Variants in CNTN4 observed in about 807,000 individuals in gnomAD.
CNTN4 encodes contactin-4.
A neutral mutation model predicts 122.5 loss-of-function variants in CNTN4; 77 were observed. The observed-to-expected ratio is 0.63, with a 90% CI of 0.52 to 0.76. The LOEUF is 0.76. CNTN4 is among the 30% of genes least tolerant of loss of function. The pLI is 0.00. For synonymous variants in CNTN4, 512 were observed against 447.0 expected (o/e 1.15, Z -1.83); for missense variants, 1,256 against 1,259.1 (o/e 1.00, Z 0.04).
chr3:2,961,621 C>T (rs955042974), intron 13 of CNTN4, among the ~76,000 whole-genome samples: 40 of 152,274 alleles, frequency 2.6e-4, no homozygotes, highest in African/African-American at 9.6e-4. Flanking sequence ...ACAACATACC[C>T]ACCTCTGAAC....
chr3:2,741,639 A>C (rs546193496), intron 5 of CNTN4, among the ~76,000 whole-genome samples: 1 of 152,352 alleles, frequency 6.6e-6, no homozygotes, highest in Admixed American at 6.5e-5. Flanking sequence ...TGTGTAGTAA[A>C]GAATGCAGGA....
chr3:2,553,353 G>A (rs111777296), intron 3 of CNTN4, among the ~76,000 whole-genome samples: 3 of 152,168 alleles, frequency 2.0e-5, no homozygotes, highest in African/African-American at 4.8e-5. Context: ...TGATGTGCTT[G>A]TTTTTATCCT....
chr3:2,394,316 G>A (rs2150911745), intron 3 of CNTN4, among the ~76,000 whole-genome samples: 1 of 152,158 alleles, frequency 6.6e-6, no homozygotes, highest in South Asian at 2.1e-4. Flanking sequence ...GACCTAACTG[G>A]GTGAGAAGAT....
At chr3:2,894,452 C>G (rs1443749536) in intron 10 of CNTN4, among the ~76,000 whole-genome samples, 1 of 152,216 alleles carries the variant, frequency 6.6e-6, no homozygotes, top group African/African-American at 2.4e-5. Flanking sequence ...GAGCTACTTT[C>G]TGAATCTGGA....
chr3:2,715,565 C>T (rs1387586822), intron 4 of CNTN4, among the ~76,000 whole-genome samples: 1 of 152,192 alleles, frequency 6.6e-6, no homozygotes, highest in African/African-American at 2.4e-5. Flanking sequence ...TTTCAAGTCC[C>T]TGTCTTAGTC....
chr3:2,988,197 A>G (rs1694752292), intron 13 of CNTN4, 148 bp from the exon 14 acceptor site: 1 of 732,610 alleles, frequency 1.4e-6, no homozygotes, highest in Admixed American at 2.1e-5. Flanking sequence ...GTGGACAAAT[A>G]CCCTAAATAA....
At chr3:2,355,731 A>G (rs536918282) in intron 3 of CNTN4, among the ~76,000 whole-genome samples, 1 of 152,208 alleles carries the variant, frequency 6.6e-6, no homozygotes, top group Non-Finnish European at 1.5e-5. Context: ...GGGTCTCTGT[A>G]TCCTAACCAG....
In CNTN4 at chr3:2,416,714, T is replaced by C. The variant is rs535103546; in HGVS notation, c.-89+77481T>C. On this transcript the variant is annotated intron_variant, in intron 3 of 24. Coordinates refer to ENST00000418658, the MANE Select transcript of CNTN4 (RefSeq NM_175607.3). ...TGTCGCCCAGGCTGGAGTGCAGTGG[T>C]GTGATCTCAGCTCACTGCAAGCTCT... is the stretch of plus-strand genomic sequence containing the variant. Among the ~76,000 whole-genome samples the C allele has an allele frequency of 4.3e-4, 65 of 151,966 alleles. No individual in the cohort carries two copies. The Middle Eastern group carries it at 0.014, about 32-fold the overall frequency.
Position 3,040,229 on chromosome 3 carries a change from G to T in CNTN4, c.2356G>T (p.Gly786Cys), listed in dbSNP as rs1393679699. The change falls in exon 20 of 25, where the codon GGC becomes TGC. Residue 786 changes from glycine to cysteine, a missense_variant. Transcript: ENST00000418658. ...AGGTGTCTTCAACAACAAAGGAGAA[G>T]GCCCTTTCAGTCCCACCACGGTGGT... ...KVGVFNNKGE[G>C]PFSPTTVVYS... The T allele has an allele frequency of 6.2e-7, 1 of 1,614,216 alleles. No homozygotes were observed. The highest frequency in any genetic ancestry group is 1.1e-5 in the South Asian group (1 of 91,090).
In CNTN4 at chr3:2,951,261, G is replaced by T. The variant is rs557374368; in HGVS notation, c.1358+25482G>T. ...CAATTTTTCCACAGATGGCGGGTGG[G>T]GTGGGAGGTGGTTTTGGGATAAAAG... On this transcript the variant is annotated intron_variant, in intron 13 of 24. Coordinates refer to ENST00000418658, the MANE Select transcript of CNTN4 (RefSeq NM_175607.3). Among the ~76,000 whole-genome samples the T allele has an allele frequency of 2.0e-5, 3 of 152,296 alleles. No homozygotes were observed. The South Asian group carries it at 6.2e-4, about 32-fold the overall frequency.
At chr3:2,908,106 C>T (rs1158582367) in intron 12 of CNTN4, among the ~76,000 whole-genome samples, 3 of 152,052 alleles carry the variant, frequency 2.0e-5, no homozygotes, top group Non-Finnish European at 4.4e-5. Flanking sequence ...TGTACAACTC[C>T]CTGGGTGATA....
intron 14 of CNTN4, among the ~76,000 whole-genome samples, chr3:2,991,174 C>T (rs899237271): frequency 2.0e-5 from 3 of 152,174 alleles, no homozygotes; most frequent in Middle Eastern, 6.8e-3. Flanking sequence ...CCACATGATT[C>T]GCTGAAACAT....
At chr3:2,566,328 G>A (rs1391348185) in intron 3 of CNTN4, among the ~76,000 whole-genome samples, 1 of 152,166 alleles carries the variant, frequency 6.6e-6, no homozygotes, top group South Asian at 2.1e-4. Context: ...AACCTTGGAC[G>A]AGTTTCATAG....
intron 2 of CNTN4, among the ~76,000 whole-genome samples, chr3:2,251,191 A>G (rs951348212): frequency 6.6e-6 from 1 of 151,940 alleles, no homozygotes; most frequent in Non-Finnish European, 1.5e-5. Flanking sequence ...GCCACAAGCA[A>G]TTGGTAATAG....
intron 2 of CNTN4, among the ~76,000 whole-genome samples, chr3:2,178,675 A>G (rs748147908): frequency 2.0e-5 from 3 of 152,106 alleles, no homozygotes; most frequent in Non-Finnish European, 2.9e-5. Context: ...TTGAAATTCT[A>G]TAGGCCCATC....
intron 3 of CNTN4, among the ~76,000 whole-genome samples, chr3:2,446,142 T>C (rs2048617876): frequency 6.6e-6 from 1 of 152,180 alleles, no homozygotes; most frequent in Admixed American, 6.5e-5. Flanking sequence ...GATACAAATT[T>C]CAAAATTCCC....
intron 3 of CNTN4, among the ~76,000 whole-genome samples, chr3:2,518,835 A>T (rs2077115603): frequency 6.6e-6 from 1 of 152,138 alleles, no homozygotes; most frequent in Non-Finnish European, 1.5e-5. Context: ...AAATCTACAC[A>T]AAACAGACTA....
chr3:2,618,990 A>G (rs2081889543), intron 4 of CNTN4, among the ~76,000 whole-genome samples: 1 of 152,336 alleles, frequency 6.6e-6, no homozygotes, highest in South Asian at 2.1e-4. Context: ...TCTGTAAAAT[A>G]CAGGATATGT....
intron 7 of CNTN4, among the ~76,000 whole-genome samples, chr3:2,836,970 A>AGAGGACGT (rs1244436134): frequency 6.6e-6 from 1 of 152,228 alleles, no homozygotes; most frequent in Admixed American, 6.5e-5. Context: ...TATATTTAAC[A>AGAGGACGT]GAGGACGTAA....
Sources: allele counts gnomAD v4.1 joint callset (sites outside exome capture counted in the v4.1 genomes callset), GRCh38; gene constraint gnomAD v4.1.1; transcripts MANE v1.5; gene names NCBI Gene and HGNC (gene_info 2026-07-23, HGNC 2026-07-21).